Variants in G3BP2 observed in about 807,000 individuals in gnomAD.
G3BP2 encodes the protein G3BP stress granule assembly factor 2, also known as ras GTPase-activating protein-binding protein 2.
Under a neutral mutation model 56.7 loss-of-function variants are expected in G3BP2, and 11 were observed. The observed-to-expected ratio is 0.19, with a 90% CI of 0.12 to 0.32. The LOEUF (loss-of-function observed/expected upper bound fraction) is 0.32, where lower values mean the gene tolerates loss of function less well. Ranked by LOEUF, G3BP2 falls within the 10% of genes least tolerant of loss-of-function variation. The pLI is 1.00. For missense variants in G3BP2, 340 were observed against 610.9 expected (o/e 0.56, Z 4.67); for synonymous variants, 165 against 191.6 (o/e 0.86, Z 1.15).
chr4:75,656,233 C>A (rs1732102908), intron 5 of G3BP2, among the ~76,000 whole-genome samples: 1 of 151,870 alleles, frequency 6.6e-6, no homozygotes, highest in African/African-American at 2.4e-5. Context: ...CTCAAGTGAT[C>A]CACCCGCCCT....
rs762154155 is a variant in G3BP2, at chr4:75,645,560, A to G, written c.1319T>C (p.Ile440Thr). 9 of 1,613,798 alleles carry G rather than the reference A, an allele frequency of 5.6e-6. No individual in the cohort carries two copies. The East Asian group carries it at 1.8e-4, about 32-fold the overall frequency. The change falls in exon 12 of 12, where the codon ATT becomes ACT. Residue 440 changes from isoleucine to threonine, a missense_variant. Physicochemically the swap from Ile to Thr is moderately conservative, Grantham distance 89 (BLOSUM62 -1). Transcript: ENST00000359707. The stretch of plus-strand genomic sequence containing the variant: ...ATCACGCATCATTCCACCACCCACA[A>G]TTCCACGTGGACCACCGGGACCTCG... Reference protein sequence around the residue: ...NDRGPGGPRGIVGGGMMRDRD... With the variant: ...NDRGPGGPRGTVGGGMMRDRD...
intron 7 of G3BP2, 96 bp from the exon 8 acceptor site, chr4:75,654,177 A>G (rs529955938): frequency 1.5e-6 from 1 of 671,490 alleles, no homozygotes; most frequent in Non-Finnish European, 2.7e-6. Flanking sequence ...TTTCATTTCT[A>G]AACTATTGCT....
chr4:75,686,585 C>T (rs889160299), intron 3 of G3BP2, among the ~76,000 whole-genome samples: 9 of 6,802 alleles, frequency 1.3e-3, no homozygotes, highest in Admixed American at 8.6e-3. Flanking sequence ...GGTGGGGGGG[C>T]GGGTGGCACA....
intron 3 of G3BP2, among the ~76,000 whole-genome samples, chr4:75,715,523 T>G (rs1317268724): frequency 6.6e-6 from 1 of 152,144 alleles, no homozygotes; most frequent in African/African-American, 2.4e-5. Context: ...CACAGTGGCT[T>G]ACTCAGCTGG....
Position 75,656,987 on chromosome 4 carries a change from G to T in G3BP2, c.379C>A (p.His127Asn). The change falls in exon 5 of 12, where the codon CAC becomes AAC. Residue 127 changes from histidine to asparagine, a missense_variant. By Grantham distance (68) the His-to-Asn change is moderately conservative. Around this residue, in one of 4 missense-constraint regions of G3BP2, gnomAD observed 224 missense variants for 332.5 expected, o/e 0.67. Transcript: ENST00000359707. Reference sequence around the variant, plus strand: ...TCTTCATAACGAAACATATCATTGTGAACATAAAATTTATTTGGAACAGAT... The same window carrying T: ...TCTTCATAACGAAACATATCATTGTTAACATAAAATTTATTTGGAACAGAT... The part of the protein sequence containing the change: ...EGSVPNKFYV[H>N]NDMFRYEDEV... 1 of 1,509,034 alleles carries T rather than the reference G, an allele frequency of 6.6e-7. No homozygotes were observed. Among genetic ancestry groups the T allele is most frequent in the South Asian group, 1.2e-5 (1 of 86,186 alleles). The allele number at this position is 1,509,034 out of a possible 1,614,324, so 93.5% of individuals were successfully genotyped here.
intron 3 of G3BP2, among the ~76,000 whole-genome samples, chr4:75,704,153 G>A (rs950933218): frequency 3.3e-5 from 5 of 151,656 alleles, no homozygotes; most frequent in Non-Finnish European, 7.4e-5. Flanking sequence ...CAAGTAGCTG[G>A]GATTACAGGC....
chr4:75,706,745 A>G (rs1719561387), intron 3 of G3BP2, among the ~76,000 whole-genome samples: 1 of 152,106 alleles, frequency 6.6e-6, no homozygotes, highest in Non-Finnish European at 1.5e-5. Flanking sequence ...TGAAGATTAT[A>G]TTAGCTAATA....
chr4:75,690,459 T>C (rs915963407), intron 3 of G3BP2, among the ~76,000 whole-genome samples: 4 of 149,676 alleles, frequency 2.7e-5, no homozygotes, highest in Admixed American at 2.0e-4. Context: ...AAAGAAAAAA[T>C]TCAACATTAG....
At chr4:75,697,171 G>A (rs1248236239) in intron 3 of G3BP2, among the ~76,000 whole-genome samples, 1 of 150,912 alleles carries the variant, frequency 6.6e-6, no homozygotes, top group Non-Finnish European at 1.5e-5. Flanking sequence ...CTACTCAGGA[G>A]GCTGAGGCAG....
At chr4:75,709,265 C>T (rs748083586) in intron 3 of G3BP2, among the ~76,000 whole-genome samples, 6 of 151,800 alleles carry the variant, frequency 4.0e-5, no homozygotes, top group Non-Finnish European at 8.8e-5. Flanking sequence ...ACTAAAAATA[C>T]AAAAATTAGC....
rs200593131 is a variant in G3BP2, at chr4:75,658,432, GA to G, written c.177+410del. On this transcript the variant is annotated intron_variant, in intron 3 of 11. Coordinates refer to ENST00000359707, the MANE Select transcript of G3BP2 (RefSeq NM_203505.3). ...AGTTACCAATAACAATCATATTGGG[GA>G]AAAAAAAAAAAAGCCGGCCGGGCGC... Among the ~76,000 whole-genome samples, 220 of 142,742 alleles carry G rather than the reference GA, an allele frequency of 1.5e-3. 1 individual carries two copies. The highest frequency in any genetic ancestry group is 2.5e-3 in the East Asian group (12 of 4,846). The allele number at this position is 142,742 out of a possible 152,430, so 93.6% of individuals were successfully genotyped here. A position where few individuals can be genotyped will look rare whatever the true frequency, so the allele number is the denominator to read the frequency against.
exon 3 of G3BP2, among the ~76,000 whole-genome samples, chr4:75,720,909 G>A (rs1268297600): frequency 2.7e-5 from 4 of 148,962 alleles, no homozygotes; most frequent in African/African-American, 5.0e-5. Context: ...GGCTGAGGCA[G>A]GAGAATAGCT....
chr4:75,715,458 C>T (rs1016507434), intron 3 of G3BP2, among the ~76,000 whole-genome samples: 4 of 152,218 alleles, frequency 2.6e-5, no homozygotes, highest in Non-Finnish European at 5.9e-5. Context: ...GCTCCTGCAA[C>T]TCATGTCCCC....
chr4:75,672,159 C>T (rs764460777), intron 1 of G3BP2, among the ~76,000 whole-genome samples: 1 of 152,142 alleles, frequency 6.6e-6, no homozygotes, highest in South Asian at 2.1e-4. Flanking sequence ...AGTGCAAGTG[C>T]CTTTTTTTTG....
intron 3 of G3BP2, among the ~76,000 whole-genome samples, chr4:75,715,601 T>G (rs1434164075): frequency 2.0e-5 from 3 of 152,148 alleles, no homozygotes; most frequent in Non-Finnish European, 2.9e-5. Context: ...TCAAAACTGC[T>G]GCACCAGGAA....
intron 8 of G3BP2, among the ~76,000 whole-genome samples, chr4:75,653,621 T>C (rs1731876480): frequency 6.6e-6 from 1 of 151,526 alleles, no homozygotes; most frequent in African/African-American, 2.4e-5. Flanking sequence ...AACGATTCTT[T>C]ATTACGCCAC....
chr4:75,663,328 C>A (rs1480530502), intron 1 of G3BP2, among the ~76,000 whole-genome samples: 1 of 121,172 alleles, frequency 8.3e-6, no homozygotes, highest in Non-Finnish European at 1.7e-5. Context: ...GCAATCATGG[C>A]TCACTGCAGC....
chr4:75,668,938 A>G (rs1733269578), intron 1 of G3BP2, among the ~76,000 whole-genome samples: 1 of 151,854 alleles, frequency 6.6e-6, no homozygotes, highest in Non-Finnish European at 1.5e-5. Flanking sequence ...TTCATCTTCT[A>G]TTCCCCTCTC....
Position 75,645,506 on chromosome 4 carries a change from C to G in G3BP2, c.1373G>C (p.Gly458Ala). ...DRDGRGPPPRGGMAQKLGSGR... is the reference protein window; with the variant it reads ...DRDGRGPPPRAGMAQKLGSGR... ...AGAGCCAAGTTTCTGTGCCATGCCA[C>G]CCCTTGGAGGAGGTCCTCTTCCATC... The change falls in exon 12 of 12, where the codon GGT becomes GCT. Residue 458 changes from glycine to alanine, a missense_variant. Around this residue, in one of 4 missense-constraint regions of G3BP2, gnomAD observed 94 missense variants for 173.8 expected, o/e 0.54. Transcript: ENST00000359707. 6.2e-7 allele frequency: 1 copy of G among 1,614,104 alleles called. No individual in the cohort carries two copies.
Sources: gnomAD v4.1 joint callset for allele counts (sites outside exome capture counted in the v4.1 genomes callset) on GRCh38, gnomAD v4.1.1 for gene constraint, gnomAD v4.1.1 regional missense constraint, MANE v1.5 for transcripts, NCBI Gene and HGNC (gene_info 2026-07-23, HGNC 2026-07-21) for gene names.